The following SNTG1 variants were observed in gnomAD, a reference collection of about 807,000 sequenced individuals.
The protein encoded by SNTG1 is syntrophin gamma 1.
Under a neutral mutation model 74.7 loss-of-function variants are expected in SNTG1, and 39 were observed. The observed-to-expected ratio is 0.52, with a 90% CI of 0.40 to 0.68. The LOEUF (loss-of-function observed/expected upper bound fraction) is 0.68, where lower values mean the gene tolerates loss of function less well. Among genes scored for constraint, SNTG1 ranks in the 30% least tolerant of loss-of-function variants. The probability of loss-of-function intolerance (pLI) is 0.00; values close to 1 mark genes in which losing one functional copy is unlikely to be tolerated. For synonymous variants in SNTG1, 254 were observed against 217.1 expected (o/e 1.17, Z -1.49); for missense variants, 685 against 609.5 (o/e 1.12, Z -1.30).
At chr8:50,304,167 A>T (rs2089777280) in intron 2 of SNTG1, among the ~76,000 whole-genome samples, 1 of 152,032 alleles carries the variant, frequency 6.6e-6, no homozygotes, top group African/African-American at 2.4e-5. Context: ...AGTGTGTTGC[A>T]TATCTTGGGT....
At chr8:50,623,101 G>T (rs1336885785) in intron 13 of SNTG1, among the ~76,000 whole-genome samples, 2 of 152,036 alleles carry the variant, frequency 1.3e-5, no homozygotes, top group Non-Finnish European at 2.9e-5. Context: ...TTTTGTACAT[G>T]TAAGATCATC....
At chr8:49,949,380 G>C (rs1405994186) in intron 1 of SNTG1, among the ~76,000 whole-genome samples, 2 of 152,102 alleles carry the variant, frequency 1.3e-5, no homozygotes, top group Non-Finnish European at 2.9e-5. Flanking sequence ...TTAGGTGTTG[G>C]ACTACATGTA....
At chr8:50,765,552 T>C (rs2095611537) in intron 18 of SNTG1, among the ~76,000 whole-genome samples, 1 of 151,976 alleles carries the variant, frequency 6.6e-6, no homozygotes, top group South Asian at 2.1e-4. Flanking sequence ...CCAGGGTTTG[T>C]GATGATACTT....
At chr8:50,321,591 G>A (rs1375417915) in intron 2 of SNTG1, among the ~76,000 whole-genome samples, 1 of 151,774 alleles carries the variant, frequency 6.6e-6, no homozygotes. Flanking sequence ...TTGTTTTGTG[G>A]TCTTCCTTCC....
intron 8 of SNTG1, among the ~76,000 whole-genome samples, chr8:50,470,933 AT>A (rs2093648635): frequency 6.6e-6 from 1 of 152,128 alleles, no homozygotes; most frequent in Non-Finnish European, 1.5e-5. Context: ...TAATTTGTCC[AT>A]TTTACAGAGT....
chr8:50,283,712 A>T (rs2088604231), intron 2 of SNTG1, among the ~76,000 whole-genome samples: 1 of 152,162 alleles, frequency 6.6e-6, no homozygotes, highest in South Asian at 2.1e-4. Flanking sequence ...TTTCTTCAAA[A>T]GGGCACATAG....
At chr8:50,416,852 G>C (rs1005045382) in intron 4 of SNTG1, among the ~76,000 whole-genome samples, 2 of 73,950 alleles carry the variant, frequency 2.7e-5, no homozygotes, top group African/African-American at 9.2e-5. Flanking sequence ...CCCTGCATTA[G>C]AGCAATGGAG....
At chr8:50,344,054 G>A (rs966620431) in intron 2 of SNTG1, among the ~76,000 whole-genome samples, 1 of 152,098 alleles carries the variant, frequency 6.6e-6, no homozygotes, top group Non-Finnish European at 1.5e-5. Flanking sequence ...AAAGCAGCAT[G>A]GAAATTGATA....
At chr8:50,519,408 C>T (rs150485472) in intron 9 of SNTG1, among the ~76,000 whole-genome samples, 2,733 of 152,214 alleles carry the variant, frequency 0.018, 97 homozygotes, top group African/African-American at 0.063. Context: ...CAAGGATGCC[C>T]TCTCTCACCA....
chr8:50,752,363 T>G (rs2095569723), intron 18 of SNTG1, among the ~76,000 whole-genome samples: 1 of 152,044 alleles, frequency 6.6e-6, no homozygotes, highest in South Asian at 2.1e-4. Context: ...TGAACTGCAT[T>G]TTTGTCACAC....
intron 13 of SNTG1, among the ~76,000 whole-genome samples, chr8:50,636,512 T>C (rs767044197): frequency 2.6e-5 from 4 of 152,082 alleles, no homozygotes; most frequent in Non-Finnish European, 5.9e-5. Flanking sequence ...GCTTCCTCCG[T>C]GGGCATCAGC....
chr8:50,072,783 A>T (rs1821488909), intron 1 of SNTG1, among the ~76,000 whole-genome samples: 1 of 152,226 alleles, frequency 6.6e-6, no homozygotes, highest in Admixed American at 6.5e-5. Context: ...CAATAAGGTG[A>T]ATATTGTAAT....
At chr8:50,477,127 G>A (rs1014003288) in intron 8 of SNTG1, among the ~76,000 whole-genome samples, 2 of 151,992 alleles carry the variant, frequency 1.3e-5, no homozygotes, top group African/African-American at 4.8e-5. Flanking sequence ...AATAATTCAT[G>A]CAGATAAGCT....
In SNTG1 at chr8:50,493,260, T is replaced by G. The variant is rs182532426; in HGVS notation, c.364-9518T>G. Among the ~76,000 whole-genome samples, 672 of 152,282 alleles carry G rather than the reference T, an allele frequency of 4.4e-3. 4 individuals are homozygous for G. Among genetic ancestry groups the G allele is most frequent in the Non-Finnish European group, 7.4e-3 (500 of 68,018 alleles). On this transcript the variant is annotated intron_variant, in intron 8 of 18. Coordinates refer to ENST00000642720, the MANE Select transcript of SNTG1 (RefSeq NM_018967.5). ...ATATGATCCTTTAGATGATATATTCTGTACAGAGGAAGAACCAGATCATCC... is the reference window on the plus strand; with the variant it reads ...ATATGATCCTTTAGATGATATATTCGGTACAGAGGAAGAACCAGATCATCC...
intron 2 of SNTG1, among the ~76,000 whole-genome samples, chr8:50,206,741 T>C (rs2084260668): frequency 2.0e-5 from 3 of 152,180 alleles, no homozygotes; most frequent in Admixed American, 2.0e-4. Flanking sequence ...ATATGTCCCA[T>C]CAATACCTAG....
chr8:49,986,427 C>T lies in SNTG1; in HGVS notation c.-103+74196C>T, dbSNP rs59852242. Among the ~76,000 whole-genome samples, 548 of 152,240 alleles carry T rather than the reference C, an allele frequency of 3.6e-3. 6 individuals carry two copies. Among genetic ancestry groups the T allele is most frequent in the African/African-American group, 0.011 (451 of 41,530 alleles). On this transcript the variant is annotated intron_variant, in intron 1 of 18. Coordinates refer to ENST00000642720, the MANE Select transcript of SNTG1 (RefSeq NM_018967.5). Reference sequence around the variant, plus strand: ...TCAATTGTGGTTAAGCTGGAGGTATCACACCAGGCAAATCATTGGGATTGT... The same window carrying T: ...TCAATTGTGGTTAAGCTGGAGGTATTACACCAGGCAAATCATTGGGATTGT...
intron 13 of SNTG1, among the ~76,000 whole-genome samples, chr8:50,595,764 T>G (rs143307325): frequency 9.7e-4 from 147 of 152,166 alleles, no homozygotes; most frequent in African/African-American, 3.5e-3. Context: ...TACAGCATAA[T>G]TCTTTTTAAT....
chr8:50,259,183 G>A (rs2087032453), intron 2 of SNTG1, among the ~76,000 whole-genome samples: 1 of 151,946 alleles, frequency 6.6e-6, no homozygotes, highest in South Asian at 2.1e-4. Flanking sequence ...CTTATATCAG[G>A]CAAAACTAGC....
intron 2 of SNTG1, among the ~76,000 whole-genome samples, chr8:50,207,842 G>A (rs1322297200): frequency 6.6e-6 from 1 of 152,154 alleles, no homozygotes; most frequent in Non-Finnish European, 1.5e-5. Flanking sequence ...TCATTCAAGA[G>A]CAGGTTATTC....
Sources: gnomAD v4.1 joint callset for allele counts (sites outside exome capture counted in the v4.1 genomes callset) on GRCh38, gnomAD v4.1.1 for gene constraint, MANE v1.5 for transcripts, NCBI Gene and HGNC (gene_info 2026-07-23, HGNC 2026-07-21) for gene names.